The following CPQ variants were observed in gnomAD, a reference collection of about 807,000 sequenced individuals.
The protein encoded by CPQ is Ser-Met dipeptidase.
In CPQ, 37 loss-of-function variants were observed where a neutral mutation model predicts 45.7. That is an observed-to-expected ratio of 0.81 (90% CI 0.62 to 1.07). The LOEUF (loss-of-function observed/expected upper bound fraction) is 1.07, where lower values mean the gene tolerates loss of function less well. Among genes scored for constraint, CPQ ranks in the 50% least tolerant of loss-of-function variants. The pLI is 0.00. For synonymous variants in CPQ, 186 were observed against 205.8 expected, an observed-to-expected ratio of 0.90 and a Z score of 0.82; for missense variants, 537 against 572.9, an observed-to-expected ratio of 0.94 and a Z score of 0.64.
intron 4 of CPQ, among the ~76,000 whole-genome samples, chr8:96,891,328 G>T (rs985187760): frequency 6.6e-6 from 1 of 152,072 alleles, no homozygotes; most frequent in Non-Finnish European, 1.5e-5. Context: ...CAATATAATC[G>T]ACCTGCCACC....
At chr8:96,910,084 C>T (rs1001542198) in intron 4 of CPQ, among the ~76,000 whole-genome samples, 1 of 152,138 alleles carries the variant, frequency 6.6e-6, no homozygotes, top group Non-Finnish European at 1.5e-5. Flanking sequence ...TGACAGGAGA[C>T]ATGATGCTTC....
intron 1 of CPQ, among the ~76,000 whole-genome samples, chr8:96,753,404 A>G (rs570379927): frequency 1.3e-5 from 2 of 152,260 alleles, no homozygotes; most frequent in Admixed American, 6.5e-5. Flanking sequence ...GCCAAATGCA[A>G]TGCTTGACAT....
At position 96,853,845 on chromosome 8, in the gene CPQ, T is replaced by C. The variant is rs1811804902; in HGVS notation, c.641+18665T>C. 1.3e-5 allele frequency among the ~76,000 whole-genome samples: 2 copies of C among 152,212 alleles called. 1 individual carries two copies. The highest frequency in any genetic ancestry group is 4.1e-4 in the South Asian group (2 of 4,834). ...GCATGTCCTGGTATTAGGATTCCCA[T>C]AGTCATGGCAAAACCAATGATGGTA... is the stretch of plus-strand genomic sequence containing the variant. On this transcript the variant is annotated intron_variant, in intron 3 of 7. Transcript: ENST00000220763.
intron 7 of CPQ, among the ~76,000 whole-genome samples, chr8:97,135,938 T>TA (rs1333409017): frequency 2.6e-5 from 4 of 152,216 alleles, no homozygotes; most frequent in African/African-American, 9.7e-5. Flanking sequence ...AGAGTCAACC[T>TA]ATAATAATGG....
intron 3 of CPQ, among the ~76,000 whole-genome samples, chr8:96,858,332 A>G (rs1811878797): frequency 6.6e-6 from 1 of 152,140 alleles, no homozygotes; most frequent in Non-Finnish European, 1.5e-5. Context: ...GGCCTCATCA[A>G]GACTGGTATG....
intron 4 of CPQ, among the ~76,000 whole-genome samples, chr8:96,911,613 T>C (rs1219237375): frequency 1.3e-5 from 2 of 152,356 alleles, no homozygotes; most frequent in South Asian, 4.1e-4. Context: ...GCTCCTCTTG[T>C]CATGCGGTCC....
intron 4 of CPQ, among the ~76,000 whole-genome samples, chr8:96,923,362 G>A (rs568531132): frequency 1.1e-4 from 17 of 152,170 alleles, no homozygotes; most frequent in East Asian, 9.7e-4. Flanking sequence ...CCTCCTTTCC[G>A]TTCCTACACT....
rs570988163 is a variant in CPQ at position 97,140,208 on chromosome 8, A to G, written c.1256-2812A>G. ...TTCCATAGTTAATTCAAGAATAAGT[A>G]CAAAACCTGAATAAGCCAATAACCA... On this transcript the variant is annotated intron_variant, in intron 7 of 7. Transcript: ENST00000220763. Among the ~76,000 whole-genome samples the G allele has an allele frequency of 4.7e-4, 71 of 152,192 alleles. 1 individual carries two copies. The South Asian group carries it at 0.013, about 29-fold the overall frequency.
At chr8:96,923,335 C>T (rs1812833194) in intron 4 of CPQ, among the ~76,000 whole-genome samples, 1 of 152,210 alleles carries the variant, frequency 6.6e-6, no homozygotes, top group Non-Finnish European at 1.5e-5. Context: ...GCTCAACCCC[C>T]ATTAGCCCAT....
intron 4 of CPQ, among the ~76,000 whole-genome samples, chr8:96,896,856 A>C (rs1288973732): frequency 3.3e-5 from 5 of 152,212 alleles, no homozygotes; most frequent in Non-Finnish European, 1.5e-5. Context: ...TGCCTTCTGC[A>C]CCAGCAGAAG....
chr8:96,670,393 G>C (rs749447954), intron 1 of CPQ, among the ~76,000 whole-genome samples: 7 of 151,002 alleles, frequency 4.6e-5, no homozygotes, highest in Non-Finnish European at 8.8e-5. Flanking sequence ...TATGATTTTG[G>C]GGTTACAAAT....
intron 4 of CPQ, among the ~76,000 whole-genome samples, chr8:96,890,994 G>A (rs1435626315): frequency 6.6e-6 from 1 of 152,166 alleles, no homozygotes; most frequent in Non-Finnish European, 1.5e-5. Flanking sequence ...GCAAAGCCCT[G>A]CAAAGTATTG....
At chr8:96,817,926 T>C (rs1012722746) in intron 2 of CPQ, among the ~76,000 whole-genome samples, 2 of 152,104 alleles carry the variant, frequency 1.3e-5, no homozygotes, top group African/African-American at 4.8e-5. Flanking sequence ...GCACTCATAA[T>C]TTCCTTCAAG....
At chr8:96,703,401 T>C (rs1049494077) in intron 1 of CPQ, among the ~76,000 whole-genome samples, 2 of 152,200 alleles carry the variant, frequency 1.3e-5, no homozygotes, top group Non-Finnish European at 2.9e-5. Flanking sequence ...TGAGAAATAG[T>C]CAGTGCTCCA....
chr8:96,817,424 T>C (rs183444737), intron 2 of CPQ, among the ~76,000 whole-genome samples: 12 of 152,226 alleles, frequency 7.9e-5, no homozygotes, highest in African/African-American at 2.9e-4. Context: ...AACTTTTCTT[T>C]TGTAGCTTCC....
intron 1 of CPQ, among the ~76,000 whole-genome samples, chr8:96,758,369 C>G (rs1810353477): frequency 6.6e-6 from 1 of 151,892 alleles, no homozygotes; most frequent in South Asian, 2.1e-4. Context: ...TTTTTTGAGA[C>G]CAGAATGGAA....
intron 1 of CPQ, among the ~76,000 whole-genome samples, chr8:96,653,561 G>A (rs568968968): frequency 1.3e-5 from 2 of 152,246 alleles, no homozygotes; most frequent in South Asian, 4.1e-4. Flanking sequence ...ATAGCCAACT[G>A]TTGACTGGAA....
intron 2 of CPQ, among the ~76,000 whole-genome samples, chr8:96,791,903 C>G (rs1272887601): frequency 6.6e-6 from 1 of 152,046 alleles, no homozygotes. Flanking sequence ...TGTAAGGTCT[C>G]CTCTAGATTG....
intron 1 of CPQ, among the ~76,000 whole-genome samples, chr8:96,737,200 G>T (rs1176935206): frequency 4.8e-5 from 7 of 145,096 alleles, no homozygotes; most frequent in African/African-American, 1.5e-4. Context: ...TATTAGTCAG[G>T]GTTCTCTTAG....
Sources: gnomAD v4.1 joint callset for allele counts (sites outside exome capture counted in the v4.1 genomes callset) on GRCh38, gnomAD v4.1.1 for gene constraint, MANE v1.5 for transcripts, NCBI Gene and HGNC (gene_info 2026-07-23, HGNC 2026-07-21) for gene names.